RIMS4: variants seen among roughly 807,000 people sequenced by gnomAD.
RIMS4 encodes regulating synaptic membrane exocytosis protein 4.
Under a neutral mutation model 29.0 loss-of-function variants are expected in RIMS4, and 9 were observed. The ratio of observed to expected loss-of-function variants is 0.31; its 90% CI spans 0.19 to 0.54. RIMS4 has a LOEUF of 0.54. Ranked by LOEUF, RIMS4 falls within the 20% of genes least tolerant of loss-of-function variation. The pLI is 0.94. For missense variants in RIMS4, 193 were observed against 365.7 expected (o/e 0.53, Z 3.85); for synonymous variants, 130 against 152.9 (o/e 0.85, Z 1.10).
chr20:44,790,520 T>A (rs559868716), intron 1 of RIMS4, among the ~76,000 whole-genome samples: 1 of 152,202 alleles, frequency 6.6e-6, no homozygotes, highest in Non-Finnish European at 1.5e-5. Flanking sequence ...ACAACAGATA[T>A]GATTCTCACT....
At chr20:44,787,635 G>C (rs953839716) in intron 1 of RIMS4, among the ~76,000 whole-genome samples, 22 of 151,094 alleles carry the variant, frequency 1.5e-4, no homozygotes, top group Admixed American at 1.5e-3. Context: ...AAATCTTTTG[G>C]ACTCCTTTGA....
At chr20:44,805,359 C>A (rs980008429) in intron 1 of RIMS4, among the ~76,000 whole-genome samples, 3 of 152,100 alleles carry the variant, frequency 2.0e-5, no homozygotes, top group Admixed American at 1.3e-4. Flanking sequence ...ACTCTCACCC[C>A]ACCCCTCTAC....
rs144958621 is a variant in RIMS4 at position 44,766,817 on chromosome 20, G to A, written c.236+4458C>T. 2.4e-3 allele frequency among the ~76,000 whole-genome samples: 367 copies of A among 152,172 alleles called. 3 individuals are homozygous for A. The highest frequency in any genetic ancestry group is 8.5e-3 in the African/African-American group (351 of 41,506). On this transcript the variant is annotated intron_variant, in intron 2 of 5. Coordinates refer to ENST00000372851, the MANE Select transcript of RIMS4 (RefSeq NM_182970.4). ...TGTCAGTGCTTGCTGACTTCTAACC[G>A]CCAGAGTCTGCATGCCTTTGCCCAG...
chr20:44,761,537 G>T (rs992493922), intron 2 of RIMS4, among the ~76,000 whole-genome samples: 1 of 152,200 alleles, frequency 6.6e-6, no homozygotes, highest in Non-Finnish European at 1.5e-5. Flanking sequence ...CTGCAGGGGG[G>T]ATAATGCAGG....
intron 1 of RIMS4, among the ~76,000 whole-genome samples, chr20:44,785,492 T>A (rs902167959): frequency 6.6e-6 from 1 of 152,196 alleles, no homozygotes; most frequent in African/African-American, 2.4e-5. Flanking sequence ...ATTACAAGCA[T>A]GAACTACCTA....
chr20:44,770,184 G>T (rs545194378), intron 2 of RIMS4, among the ~76,000 whole-genome samples: 20 of 152,238 alleles, frequency 1.3e-4, no homozygotes, highest in African/African-American at 4.6e-4. Flanking sequence ...CGATAGCTAG[G>T]ACCATGAAGC....
At chr20:44,807,090 C>A (rs1484229953) in intron 1 of RIMS4, among the ~76,000 whole-genome samples, 3 of 146,882 alleles carry the variant, frequency 2.0e-5, no homozygotes, top group Admixed American at 6.8e-5. Flanking sequence ...AACACACACA[C>A]AAAAAAACGC....
intron 1 of RIMS4, among the ~76,000 whole-genome samples, chr20:44,788,562 CAGG>C (rs199588333): frequency 0.018 from 2,793 of 152,072 alleles, 94 homozygotes; most frequent in African/African-American, 0.063. Context: ...CATTTCAGCC[CAGG>C]AGTTCGAGAC....
At chr20:44,786,507 T>C (rs968596270) in intron 1 of RIMS4, among the ~76,000 whole-genome samples, 1 of 152,194 alleles carries the variant, frequency 6.6e-6, no homozygotes, top group African/African-American at 2.4e-5. Flanking sequence ...GCCTTCATAC[T>C]AGTGCCGAGG....
At chr20:44,779,309 C>T (rs1462069252) in intron 1 of RIMS4, among the ~76,000 whole-genome samples, 2 of 152,138 alleles carry the variant, frequency 1.3e-5, no homozygotes, top group African/African-American at 4.8e-5. Flanking sequence ...AAGTGTATAC[C>T]TTGATGACTA....
At chr20:44,807,807 G>A (rs966240585) in intron 1 of RIMS4, among the ~76,000 whole-genome samples, 2 of 152,110 alleles carry the variant, frequency 1.3e-5, no homozygotes, top group Non-Finnish European at 2.9e-5. Flanking sequence ...TTCCGGAAAT[G>A]AAAGTTGACT....
At chr20:44,782,816 G>C (rs778014406) in intron 1 of RIMS4, among the ~76,000 whole-genome samples, 1 of 152,200 alleles carries the variant, frequency 6.6e-6, no homozygotes, top group South Asian at 2.1e-4. Flanking sequence ...ACATGTAGGG[G>C]AGGCAAGGAA....
intron 1 of RIMS4, among the ~76,000 whole-genome samples, chr20:44,787,719 T>C (rs1321630699): frequency 2.0e-5 from 3 of 148,390 alleles, no homozygotes; most frequent in Non-Finnish European, 4.5e-5. Flanking sequence ...AAAATAGAGA[T>C]GCACAATGAT....
chr20:44,780,364 T>G (rs996666814), intron 1 of RIMS4, among the ~76,000 whole-genome samples: 1 of 152,228 alleles, frequency 6.6e-6, no homozygotes, highest in Non-Finnish European at 1.5e-5. Context: ...TGGTGCTGAC[T>G]GAGCACAGAG....
intron 2 of RIMS4, among the ~76,000 whole-genome samples, chr20:44,763,418 G>A (rs1357800098): frequency 6.6e-6 from 1 of 152,244 alleles, no homozygotes; most frequent in Non-Finnish European, 1.5e-5. Context: ...CTGCTGCCTG[G>A]CCTGGGAGAG....
At chr20:44,774,842 C>A (rs537769198) in intron 1 of RIMS4, among the ~76,000 whole-genome samples, 40 of 152,228 alleles carry the variant, frequency 2.6e-4, no homozygotes, top group African/African-American at 5.8e-4. Flanking sequence ...CCTCTCTGGG[C>A]CTTGCGTCTG....
chr20:44,781,104 A>G (rs1172437568), intron 1 of RIMS4, among the ~76,000 whole-genome samples: 1 of 152,106 alleles, frequency 6.6e-6, no homozygotes, highest in East Asian at 1.9e-4. Flanking sequence ...ACCTTAAGAA[A>G]CTTACAGGTA....
chr20:44,798,262 C>T (rs1177167271), intron 1 of RIMS4, among the ~76,000 whole-genome samples: 1 of 152,204 alleles, frequency 6.6e-6, no homozygotes, highest in African/African-American at 2.4e-5. Context: ...TCATGAAAAA[C>T]ATTAAATACA....
intron 2 of RIMS4, among the ~76,000 whole-genome samples, chr20:44,761,559 C>G (rs189280330): frequency 6.6e-6 from 1 of 152,324 alleles, no homozygotes; most frequent in East Asian, 1.9e-4. Flanking sequence ...GAATGTTCAC[C>G]CAGCCTCCCA....
Sources: allele counts gnomAD v4.1 joint callset (sites outside exome capture counted in the v4.1 genomes callset), GRCh38; gene constraint gnomAD v4.1.1; transcripts MANE v1.5; gene names NCBI Gene and HGNC (gene_info 2026-07-23, HGNC 2026-07-21).